The following PPM1B variants were observed in gnomAD, a reference collection of about 807,000 sequenced individuals.
PPM1B encodes protein phosphatase, Mg2+/Mn2+ dependent 1B, also known as protein phosphatase 1B.
A neutral mutation model predicts 43.0 loss-of-function variants in PPM1B; 22 were observed. The ratio of observed to expected loss-of-function variants is 0.51; its 90% confidence interval spans 0.37 to 0.73. The LOEUF (loss-of-function observed/expected upper bound fraction) is 0.73, where lower values mean the gene tolerates loss of function less well. PPM1B is among the 30% of genes least tolerant of loss of function. The pLI is 0.00. For missense variants in PPM1B, 632 were observed against 584.2 expected, an observed-to-expected ratio of 1.08 and a Z score of -0.84; for synonymous variants, 217 against 197.9, an observed-to-expected ratio of 1.10 and a Z score of -0.81.
At chr2:44,232,571 A>G, downstream of PPM1B, 1 of 1,386,280 alleles carries the variant, frequency 7.2e-7, no homozygotes, top group Non-Finnish European at 9.3e-7. Context: ...AACCTCAGGC[A>G]TACTCGTTAC....
At chr2:44,232,462 A>G, downstream of PPM1B, 1 of 1,545,256 alleles carries the variant, frequency 6.5e-7, no homozygotes, top group South Asian at 1.3e-5. Context: ...GTTTTGTGAT[A>G]TGAGCAGAAA....
downstream of PPM1B, among the ~76,000 whole-genome samples, chr2:44,235,603 C>CAAAAA (rs60734033): frequency 2.7e-5 from 2 of 73,498 alleles, no homozygotes; most frequent in African/African-American, 5.4e-5. Flanking sequence ...AATTCCATCT[C>CAAAAA]AAAAAAAAAA....
At chr2:44,235,653 G>A (rs1396365970), downstream of PPM1B, among the ~76,000 whole-genome samples, 1 of 147,376 alleles carries the variant, frequency 6.8e-6, no homozygotes, top group Non-Finnish European at 1.5e-5. Flanking sequence ...GGTAGCTTAT[G>A]CCTGTAATAA....
In PPM1B at chr2:44,201,035, G is replaced by C. The variant is rs986410595; in HGVS notation, c.-14-151G>C. 6.6e-5 allele frequency among the ~76,000 whole-genome samples: 10 copies of C among 152,022 alleles called. No individual in the cohort carries two copies. Among genetic ancestry groups the C allele is most frequent in the Non-Finnish European group, 1.5e-5 (1 of 68,020 alleles). On this transcript the variant is annotated intron_variant, in intron 1 of 5. Transcript: ENST00000282412. The surrounding 1 kb of genome is among the most constrained non-coding windows in gnomAD (Gnocchi z 5.4). The stretch of plus-strand genomic sequence containing the variant: ...CCACTGTTCTGTAGGATGTAGGGGA[G>C]GAAATTTCTTGGGCTTTTGTTGTTG...
chr2:44,232,367 C>G, downstream of PPM1B: 2 of 1,602,520 alleles, frequency 1.2e-6, no homozygotes, highest in South Asian at 1.1e-5. Context: ...TTCTAAAATG[C>G]TTTTGATTCT....
Position 44,201,946 on chromosome 2 carries a change from G to A in PPM1B, c.747G>A (p.Met249Ile). The change falls in exon 2 of 6, where the codon ATG (methionine) becomes ATA (isoleucine). Residue 249 changes from methionine to isoleucine, a missense_variant. This residue lies in a region of PPM1B where 392 missense variants were observed against 302.7 expected (regional missense o/e 1.29). Transcript: ENST00000282412. This position sits in a 1 kb window ranked among gnomAD's most constrained non-coding sequence, Gnocchi z 5.4. ...CTTGTGATGGGATCTGGGATGTTAT[G>A]AGTAATGAGGAGCTCTGTGAATATG... is the stretch of plus-strand genomic sequence containing the variant. Reference protein sequence around the residue: ...ILACDGIWDVMSNEELCEYVK... With the variant: ...ILACDGIWDVISNEELCEYVK... 6.2e-7 allele frequency: 1 copy of A among 1,614,140 alleles called. No homozygotes were observed. The highest frequency in any genetic ancestry group is 2.2e-5 in the East Asian group (1 of 44,880).
chr2:44,192,824 T>C (rs1436317548), intron 1 of PPM1B, among the ~76,000 whole-genome samples: 1 of 152,266 alleles, frequency 6.6e-6, no homozygotes, highest in Admixed American at 6.5e-5. Flanking sequence ...AATATTTGTC[T>C]TTCTATTCCT....
downstream of PPM1B, among the ~76,000 whole-genome samples, chr2:44,246,871 C>T (rs779450024): frequency 6.6e-6 from 1 of 151,954 alleles, no homozygotes; most frequent in African/African-American, 2.4e-5. Context: ...TTTTTAGGTA[C>T]CTCTGCCTTT....
chr2:44,209,411 G>A (rs545067458), intron 3 of PPM1B, 84 bp downstream of exon 3: 14 of 1,428,680 alleles, frequency 9.8e-6, no homozygotes, highest in South Asian at 4.1e-5. Flanking sequence ...TCGCCTGGGC[G>A]ACACACCAAG....
chr2:44,191,184 C>G (rs1257083788), intron 1 of PPM1B, among the ~76,000 whole-genome samples: 2 of 152,082 alleles, frequency 1.3e-5, no homozygotes, highest in East Asian at 3.8e-4. Flanking sequence ...TGTATGTAAA[C>G]TAATCTGTTG....
In PPM1B at chr2:44,171,703, G is replaced by A. The variant is rs574616978; in HGVS notation, c.-15+2429G>A. On this transcript the variant is annotated intron_variant, in intron 1 of 5. Transcript: ENST00000282412. ...AAATTAGCCAGGTGCGGTGGCGCGT[G>A]CTTGTAATCCCAGCTACTCAGGAGG... Among the ~76,000 whole-genome samples, 13 of 152,164 alleles carry A rather than the reference G, an allele frequency of 8.5e-5. No individual in the cohort carries two copies. The East Asian group carries it at 2.1e-3, about 25-fold the overall frequency.
chr2:44,185,547 G>C (rs926993435), intron 1 of PPM1B, among the ~76,000 whole-genome samples: 3 of 152,148 alleles, frequency 2.0e-5, no homozygotes, highest in African/African-American at 7.2e-5. Context: ...AAGTTACACT[G>C]TTGTCCTGAG....
intron 4 of PPM1B, among the ~76,000 whole-genome samples, 164 bp from the exon 5 acceptor site, chr2:44,218,316 T>C (rs936249607): frequency 6.6e-5 from 10 of 152,290 alleles, no homozygotes; most frequent in African/African-American, 2.2e-4. Context: ...ACAAATGGAT[T>C]GTGCAAAATC....
chr2:44,199,324 TAAAAA>T (rs796771747), intron 1 of PPM1B, among the ~76,000 whole-genome samples: 1 of 74,698 alleles, frequency 1.3e-5, no homozygotes, highest in African/African-American at 4.8e-5. Flanking sequence ...AAAATAAAAA[TAAAAA>T]AAAAAAAAAT....
intron 5 of PPM1B, chr2:44,219,273 A>G (rs1320220247): frequency 1.3e-5 from 2 of 151,824 alleles, no homozygotes; most frequent in Non-Finnish European, 2.9e-5. Context: ...ATGTCTAAAA[A>G]TAAATTATTT....
At position 44,174,240 on chromosome 2, in the gene PPM1B, G is replaced by T. The variant is rs371443177; in HGVS notation, c.-15+4966G>T. ...TGAAAATTAAAAATCTTAAAGTTTA[G>T]AAACATAACACTTCTTGGAAAATTG... On this transcript the variant is annotated intron_variant, in intron 1 of 5. Transcript: ENST00000282412. 2.0e-5 allele frequency among the ~76,000 whole-genome samples: 3 copies of T among 152,180 alleles called. No homozygotes were observed. In the East Asian group the frequency reaches 5.8e-4, roughly 29 times the overall value.
chr2:44,230,101 G>A, intron 5 of PPM1B: 1 of 1,500,472 alleles, frequency 6.7e-7, no homozygotes, highest in Non-Finnish European at 8.9e-7. Context: ...TATTGTTTAA[G>A]TAAGTCAGTT....
downstream of PPM1B, among the ~76,000 whole-genome samples, chr2:44,244,867 T>C (rs1472363518): frequency 6.8e-6 from 1 of 147,600 alleles, no homozygotes; most frequent in Non-Finnish European, 1.5e-5. Context: ...ATAGTGTGTG[T>C]GTGTGTATCT....
intron 1 of PPM1B, among the ~76,000 whole-genome samples, chr2:44,199,991 A>G (rs950445487): frequency 6.6e-6 from 1 of 152,218 alleles, no homozygotes; most frequent in Non-Finnish European, 1.5e-5. Flanking sequence ...AAATTGATCT[A>G]GACCAGTGTC....
Sources: allele counts gnomAD v4.1 joint callset (sites outside exome capture counted in the v4.1 genomes callset), GRCh38; gene constraint gnomAD v4.1.1; regional missense constraint gnomAD v4.1.1; non-coding constraint Gnocchi (gnomAD v3.1); transcripts MANE v1.5; gene names NCBI Gene and HGNC (gene_info 2026-07-23, HGNC 2026-07-21).